MARCHF1: variants seen among roughly 807,000 people sequenced by gnomAD.
MARCHF1 encodes membrane associated ring-CH-type finger 1, also known as E3 ubiquitin-protein ligase MARCHF1.
MARCHF1 carries 40 observed loss-of-function variants against 54.2 expected under a neutral mutation model. That is an observed-to-expected ratio of 0.74 (90% CI 0.57 to 0.96). The LOEUF is 0.96. Ranked by LOEUF, MARCHF1 falls within the 40% of genes least tolerant of loss-of-function variation. The probability of loss-of-function intolerance (pLI) is 0.00; values close to 1 mark genes in which losing one functional copy is unlikely to be tolerated. For missense variants in MARCHF1, 586 were observed against 656.5 expected (o/e 0.89, Z 1.17); for synonymous variants, 236 against 236.3 (o/e 1.00, Z 0.01).
chr4:163,805,325 A>G (rs1480242915), intron 4 of MARCHF1, among the ~76,000 whole-genome samples: 1 of 151,984 alleles, frequency 6.6e-6, no homozygotes, highest in African/African-American at 2.4e-5. Flanking sequence ...TCAGAAATGG[A>G]TGTGTTTGGA....
chr4:164,165,175 T>C (rs1191534370), intron 1 of MARCHF1, among the ~76,000 whole-genome samples: 1 of 152,026 alleles, frequency 6.6e-6, no homozygotes, highest in Non-Finnish European at 1.5e-5. Context: ...CCAGAGACAA[T>C]ATTATATCTA....
intron 3 of MARCHF1, among the ~76,000 whole-genome samples, chr4:163,965,983 T>C (rs1579427319): frequency 6.6e-6 from 1 of 152,098 alleles, no homozygotes; most frequent in Non-Finnish European, 1.5e-5. Context: ...AGATGACAGA[T>C]ACAATAACAT....
chr4:164,291,256 G>A (rs1734277031), intron 1 of MARCHF1, among the ~76,000 whole-genome samples: 1 of 151,940 alleles, frequency 6.6e-6, no homozygotes, highest in Admixed American at 6.6e-5. Context: ...TGAGTAATAG[G>A]AGTCTTTTTT....
intron 1 of MARCHF1, among the ~76,000 whole-genome samples, chr4:164,162,428 G>C (rs139022319): frequency 3.8e-4 from 58 of 152,222 alleles, no homozygotes; most frequent in Non-Finnish European, 6.8e-4. Context: ...AATCCAGAGA[G>C]GGCAGCTGTG....
intron 1 of MARCHF1, among the ~76,000 whole-genome samples, chr4:164,192,851 C>T (rs1336599302): frequency 6.6e-6 from 1 of 152,140 alleles, no homozygotes; most frequent in Admixed American, 6.5e-5. Flanking sequence ...TGCCAATGAC[C>T]TTTGTCTTCT....
At chr4:163,932,773 T>C in intron 3 of MARCHF1, 1 of 577,170 alleles carries the variant, frequency 1.7e-6, no homozygotes, top group African/African-American at 1.9e-5. Flanking sequence ...CAGGAGAAAG[T>C]GGAGTCTGAG....
intron 1 of MARCHF1, among the ~76,000 whole-genome samples, chr4:164,226,292 C>G (rs1353932570): frequency 6.6e-6 from 1 of 151,812 alleles, no homozygotes; most frequent in Non-Finnish European, 1.5e-5. Context: ...AGAGATATTC[C>G]AAGGGGTATC....
At chr4:163,826,392 A>G (rs1748848149) in intron 4 of MARCHF1, among the ~76,000 whole-genome samples, 1 of 152,078 alleles carries the variant, frequency 6.6e-6, no homozygotes, top group Non-Finnish European at 1.5e-5. Flanking sequence ...AAAAACCAAA[A>G]ATAATTATAT....
intron 3 of MARCHF1, among the ~76,000 whole-genome samples, chr4:163,942,593 T>C (rs560755381): frequency 6.6e-6 from 1 of 152,280 alleles, no homozygotes; most frequent in South Asian, 2.1e-4. Flanking sequence ...AATTTCCATA[T>C]ATAATGTCCA....
intron 2 of MARCHF1, among the ~76,000 whole-genome samples, chr4:164,106,070 C>A (rs1032124769): frequency 6.5e-4 from 98 of 151,418 alleles, no homozygotes; most frequent in Non-Finnish European, 1.3e-3. Flanking sequence ...AATGAGATAC[C>A]ATCTCACACC....
At chr4:164,273,568 C>T (rs189104661) in intron 1 of MARCHF1, among the ~76,000 whole-genome samples, 157 of 152,238 alleles carry the variant, frequency 1.0e-3, no homozygotes, top group Non-Finnish European at 1.7e-3. Flanking sequence ...AAACCATCTA[C>T]GCTAAGACAT....
At chr4:164,057,075 A>C (rs1754508832) in intron 2 of MARCHF1, among the ~76,000 whole-genome samples, 1 of 152,198 alleles carries the variant, frequency 6.6e-6, no homozygotes, top group Admixed American at 6.5e-5. Flanking sequence ...CAAATTAAAA[A>C]CACTGTGACA....
chr4:164,159,045 C>A (rs1354146031), intron 1 of MARCHF1, among the ~76,000 whole-genome samples: 1 of 152,160 alleles, frequency 6.6e-6, no homozygotes, highest in East Asian at 1.9e-4. Context: ...GTTAAGAACA[C>A]AGGCTCTGCA....
At chr4:163,913,652 G>T (rs192743440) in intron 3 of MARCHF1, among the ~76,000 whole-genome samples, 1 of 152,134 alleles carries the variant, frequency 6.6e-6, no homozygotes, top group South Asian at 2.1e-4. Flanking sequence ...CGTGTAAAGA[G>T]GAAGATAACT....
intron 4 of MARCHF1, among the ~76,000 whole-genome samples, chr4:163,850,936 TA>T (rs548534191): frequency 1.9e-4 from 29 of 152,254 alleles, no homozygotes; most frequent in Non-Finnish European, 3.5e-4. Flanking sequence ...TGGCTTCTTC[TA>T]AAGCCCAAAT....
chr4:164,294,089 C>T (rs767238851), intron 1 of MARCHF1, among the ~76,000 whole-genome samples: 8 of 152,032 alleles, frequency 5.3e-5, no homozygotes, highest in Non-Finnish European at 1.0e-4. Context: ...TTCCTACCCT[C>T]GACATTGGAC....
chr4:163,946,276 T>C (rs1270969271), intron 3 of MARCHF1, among the ~76,000 whole-genome samples: 1 of 152,104 alleles, frequency 6.6e-6, no homozygotes, highest in Non-Finnish European at 1.5e-5. Context: ...GTTTCTTTGA[T>C]TGACTGATTT....
At chr4:164,033,845 C>CTTA (rs1341622364) in intron 2 of MARCHF1, among the ~76,000 whole-genome samples, 11 of 152,252 alleles carry the variant, frequency 7.2e-5, no homozygotes, top group Non-Finnish European at 1.5e-4. Flanking sequence ...GTTAGTTCAA[C>CTTA]CATTGTGGAA....
intron 1 of MARCHF1, among the ~76,000 whole-genome samples, chr4:164,247,442 C>T: frequency 6.6e-6 from 1 of 151,436 alleles, no homozygotes; most frequent in Non-Finnish European, 1.5e-5. Flanking sequence ...GAATATCACA[C>T]TCTGGTGACT....
Sources: allele counts gnomAD v4.1 joint callset (sites outside exome capture counted in the v4.1 genomes callset), GRCh38; gene constraint gnomAD v4.1.1; transcripts MANE v1.5; gene names NCBI Gene and HGNC (gene_info 2026-07-23, HGNC 2026-07-21).